Variants in MAD1L1 observed in about 807,000 individuals in gnomAD.
MAD1L1 encodes the protein mitotic spindle assembly checkpoint protein MAD1.
In MAD1L1, 95 loss-of-function variants were observed where a neutral mutation model predicts 96.9. The observed-to-expected ratio is 0.98, with a 90% CI of 0.83 to 1.16. The LOEUF is 1.16. MAD1L1 is among the 50% of genes most tolerant of loss of function. The pLI, the probability that MAD1L1 is intolerant of heterozygous loss-of-function variation, is 0.00. For synonymous variants in MAD1L1, 473 were observed against 396.6 expected (o/e 1.19, Z -2.29); for missense variants, 1,007 against 954.4 (o/e 1.06, Z -0.73).
chr7:1,933,625 C>A (rs1789609167), intron 17 of MAD1L1, among the ~76,000 whole-genome samples: 1 of 152,212 alleles, frequency 6.6e-6, no homozygotes, highest in Admixed American at 6.5e-5. Flanking sequence ...TGAGATGAGA[C>A]CTGAGAATCC....
chr7:2,213,345 G>A (rs1793084443), intron 9 of MAD1L1, 72 bp from the exon 10 acceptor site: 1 of 1,410,100 alleles, frequency 7.1e-7, no homozygotes, highest in African/African-American at 1.4e-5. Context: ...TGACAATCAT[G>A]ATCACGGTGC....
intron 14 of MAD1L1, among the ~76,000 whole-genome samples, chr7:1,987,800 G>A (rs1308815588): frequency 6.6e-6 from 1 of 152,206 alleles, no homozygotes; most frequent in Admixed American, 6.5e-5. Flanking sequence ...ACAGGCCCGG[G>A]GCAGCAGCGT....
At chr7:2,232,489 C>T (rs1473516614) in intron 1 of MAD1L1, among the ~76,000 whole-genome samples, 4 of 152,234 alleles carry the variant, frequency 2.6e-5, no homozygotes, top group Non-Finnish European at 4.4e-5. Context: ...GCTCAGGCCC[C>T]TTCCTCGGCG....
intron 11 of MAD1L1, among the ~76,000 whole-genome samples, chr7:2,111,583 T>C (rs1200394234): frequency 6.6e-6 from 1 of 152,156 alleles, no homozygotes. Context: ...GGGCTACAAC[T>C]CCATGATGAC....
chr7:1,941,425 A>G (rs1446006724), intron 16 of MAD1L1, among the ~76,000 whole-genome samples: 1 of 152,274 alleles, frequency 6.6e-6, no homozygotes, highest in African/African-American at 2.4e-5. Context: ...CCAAGCCAGT[A>G]GAGATGAAGG....
intron 16 of MAD1L1, among the ~76,000 whole-genome samples, chr7:1,950,030 G>A (rs1018704687): frequency 6.6e-6 from 1 of 152,226 alleles, no homozygotes; most frequent in Admixed American, 6.5e-5. Flanking sequence ...GTGCTCAGCA[G>A]TGGGTCCCTG....
chr7:2,137,418 G>A (rs965631819), intron 11 of MAD1L1, among the ~76,000 whole-genome samples: 7 of 152,150 alleles, frequency 4.6e-5, no homozygotes, highest in African/African-American at 1.7e-4. Flanking sequence ...GGGAGCTGAG[G>A]TCAGACACCT....
At chr7:2,133,785 T>G (rs1373025697) in intron 11 of MAD1L1, among the ~76,000 whole-genome samples, 2 of 152,258 alleles carry the variant, frequency 1.3e-5, no homozygotes, top group Non-Finnish European at 1.5e-5. Context: ...CAGCACCATT[T>G]GCTGAGAAGA....
chr7:2,022,250 C>T lies in MAD1L1; in HGVS notation c.1219-7608G>A, dbSNP rs139368131. Among the ~76,000 whole-genome samples, 11 of 152,314 alleles carry T rather than the reference C, an allele frequency of 7.2e-5. 1 individual carries two copies. The highest frequency in any genetic ancestry group is 6.8e-3 in the Middle Eastern group (2 of 294). On this transcript the variant is annotated intron_variant, in intron 12 of 18. Transcript: ENST00000265854. ...TGGCACGGGAGGCAAGGGGAATGGG[C>T]GTGTTCTGCGGGAGGCGCCCACCCT...
Position 1,815,999 on chromosome 7 carries a change from G to A in MAD1L1, c.*71C>T. ...GAGGCAGGACGTGCACCCAGCCTGTGGCTGGCGGGGCAGGGGACCTGCAGG... is the reference window on the plus strand; with the variant it reads ...GAGGCAGGACGTGCACCCAGCCTGTAGCTGGCGGGGCAGGGGACCTGCAGG... On this transcript the variant is annotated 3_prime_UTR_variant, in exon 19 of 19. Coordinates refer to ENST00000265854, the MANE Select transcript of MAD1L1 (RefSeq NM_001013836.2). 1 of 1,490,772 alleles carries A rather than the reference G, an allele frequency of 6.7e-7. No homozygotes were observed. The highest frequency in any genetic ancestry group is 9.0e-7 in the Non-Finnish European group (1 of 1,111,860). The allele number at this position is 1,490,772 out of a possible 1,614,324, so 92.3% of individuals were successfully genotyped here. A position where few individuals can be genotyped will look rare whatever the true frequency, so the allele number is the denominator to read the frequency against.
At chr7:1,887,777 GTGTGTGCA>G (rs1383756080) in intron 18 of MAD1L1, among the ~76,000 whole-genome samples, 14 of 148,848 alleles carry the variant, frequency 9.4e-5, no homozygotes, top group African/African-American at 2.8e-4. Context: ...GGCTGCCTGT[GTGTGTGCA>G]TGTGTGCATG....
chr7:2,081,014 C>T (rs991174098), intron 11 of MAD1L1, among the ~76,000 whole-genome samples: 1 of 152,222 alleles, frequency 6.6e-6, no homozygotes, highest in Non-Finnish European at 1.5e-5. Flanking sequence ...CCCCCTCTCC[C>T]TGGTTCCCCG....
intron 12 of MAD1L1, among the ~76,000 whole-genome samples, chr7:2,015,251 C>T (rs993504309): frequency 5.3e-5 from 8 of 152,238 alleles, no homozygotes; most frequent in African/African-American, 1.7e-4. Context: ...CTCGGGAAGG[C>T]TGAGTCCCCG....
At chr7:2,111,988 C>T (rs1235166985) in intron 11 of MAD1L1, among the ~76,000 whole-genome samples, 1 of 152,184 alleles carries the variant, frequency 6.6e-6, no homozygotes, top group Non-Finnish European at 1.5e-5. Context: ...TTCACCAAAC[C>T]CAGAAACAAT....
At chr7:1,833,393 A>G (rs1292897177) in intron 18 of MAD1L1, among the ~76,000 whole-genome samples, 1 of 152,260 alleles carries the variant, frequency 6.6e-6, no homozygotes, top group Non-Finnish European at 1.5e-5. Context: ...TATGAAACAA[A>G]AACTGGAATG....
At chr7:2,204,563 T>C (rs1310046816) in intron 10 of MAD1L1, among the ~76,000 whole-genome samples, 4 of 152,224 alleles carry the variant, frequency 2.6e-5, no homozygotes, top group Admixed American at 6.5e-5. Flanking sequence ...GATGGTATAG[T>C]AAGTATAAAC....
chr7:2,044,448 G>A lies in MAD1L1; in HGVS notation c.1218+24746C>T, dbSNP rs190306883. 1.1e-3 allele frequency among the ~76,000 whole-genome samples: 164 copies of A among 152,340 alleles called. 1 individual carries two copies. Among genetic ancestry groups the A allele is most frequent in the Middle Eastern group, 6.8e-3 (2 of 294 alleles). The stretch of plus-strand genomic sequence containing the variant: ...AAGCTGCCCGGCGCACGTGGAAGAA[G>A]GTGGGGACGCTGTGAACACACTGGG... On this transcript the variant is annotated intron_variant, in intron 12 of 18. Transcript: ENST00000265854.
chr7:1,925,059 C>G (rs73050136), intron 17 of MAD1L1, among the ~76,000 whole-genome samples: 11 of 152,010 alleles, frequency 7.2e-5, no homozygotes, highest in Non-Finnish European at 1.2e-4. Context: ...AAATGGAGGA[C>G]AAACAGAAAA....
chr7:1,825,518 G>C (rs1330831968), intron 18 of MAD1L1, among the ~76,000 whole-genome samples: 3 of 152,270 alleles, frequency 2.0e-5, no homozygotes, highest in African/African-American at 2.4e-5. Flanking sequence ...TGCTGCTGAG[G>C]TGTGAGAGAC....
Sources: allele counts gnomAD v4.1 joint callset (sites outside exome capture counted in the v4.1 genomes callset), GRCh38; gene constraint gnomAD v4.1.1; transcripts MANE v1.5; gene names NCBI Gene and HGNC (gene_info 2026-07-23, HGNC 2026-07-21).